The following PCDHGB3 variants were observed in gnomAD, a reference collection of about 807,000 sequenced individuals.
PCDHGB3 encodes the protein protocadherin gamma-B3.
Under a neutral mutation model 59.2 loss-of-function variants are expected in PCDHGB3, and 40 were observed. That is an observed-to-expected ratio of 0.68 (90% CI 0.52 to 0.88). The LOEUF is 0.88. Among genes scored for constraint, PCDHGB3 ranks in the 40% least tolerant of loss-of-function variants. PCDHGB3 has a pLI of 0.00. For missense variants in PCDHGB3, 1,309 were observed against 1,187.9 expected (o/e 1.10, Z -1.50); for synonymous variants, 581 against 503.6 (o/e 1.15, Z -2.06).
At chr5:141,505,804 G>A (rs554534524) in intron 3 of PCDHGB3, among the ~76,000 whole-genome samples, 13 of 152,240 alleles carry the variant, frequency 8.5e-5, no homozygotes, top group Admixed American at 3.3e-4. Context: ...GACTTGGATC[G>A]ACTTGCTCAA....
At chr5:141,495,446 C>A (rs1165861519) in intron 2 of PCDHGB3, among the ~76,000 whole-genome samples, 1 of 152,220 alleles carries the variant, frequency 6.6e-6, no homozygotes, top group African/African-American at 2.4e-5. Flanking sequence ...CCCTACTTGT[C>A]CTGCTCTCTG....
chr5:141,410,295 T>C (rs1043971768), intron 1 of PCDHGB3: 2 of 1,613,982 alleles, frequency 1.2e-6, no homozygotes, highest in East Asian at 2.2e-5. Context: ...GCCTTGGCCT[T>C]AATCTCAGTG....
chr5:141,423,906 G>A (rs2096789586), intron 1 of PCDHGB3: 17 of 1,272,396 alleles, frequency 1.3e-5, no homozygotes, highest in Non-Finnish European at 1.7e-5. Context: ...ATTTCAAAGG[G>A]GCCATTCAAC....
At chr5:141,396,636 A>G (rs1206522598) in intron 1 of PCDHGB3, 1 of 152,050 alleles carries the variant, frequency 6.6e-6, no homozygotes, top group African/African-American at 2.4e-5. Context: ...AAAAAAAACT[A>G]ATATTAATAG....
chr5:141,386,594 C>T (rs573192677), intron 1 of PCDHGB3, among the ~76,000 whole-genome samples: 2 of 151,204 alleles, frequency 1.3e-5, no homozygotes, highest in Non-Finnish European at 2.9e-5. Flanking sequence ...GTGGGGGATA[C>T]ATTTTTTTTT....
intron 1 of PCDHGB3, chr5:141,385,119 T>C: frequency 1.2e-6 from 2 of 1,614,212 alleles, no homozygotes; most frequent in South Asian, 2.2e-5. Flanking sequence ...CCTCGCACTT[T>C]GTGGGCATGG....
In PCDHGB3 at chr5:141,491,927, G is replaced by A. The variant is rs1314503730; in HGVS notation, c.2416-2880G>A. 3 of 1,309,982 alleles carry A rather than the reference G, an allele frequency of 2.3e-6. No individual in the cohort carries two copies. In the African/African-American group the frequency reaches 4.5e-5, roughly 20 times the overall value. 81.1% of individuals were successfully genotyped at this position (1,309,982 alleles called of 1,614,324 possible). A position where few individuals can be genotyped will look rare whatever the true frequency, so the allele number is the denominator to read the frequency against. On this transcript the variant is annotated intron_variant, in intron 1 of 3. Coordinates refer to ENST00000576222, the MANE Select transcript of PCDHGB3 (RefSeq NM_018924.5). The surrounding 1 kb of genome is among the most constrained non-coding windows in gnomAD (Gnocchi z 6.9). ...GTGGTGGCGACTGTGGGCGAGGGGAGGTGGGACCGACCCCCACCCCTACAC... is the reference window on the plus strand; with the variant it reads ...GTGGTGGCGACTGTGGGCGAGGGGAAGTGGGACCGACCCCCACCCCTACAC...
At chr5:141,463,418 C>A (rs1442067485) in intron 1 of PCDHGB3, among the ~76,000 whole-genome samples, 3 of 138,240 alleles carry the variant, frequency 2.2e-5, no homozygotes, top group Admixed American at 7.4e-5. Context: ...TCCTAGTTTG[C>A]GGATCCTCAT....
At position 141,389,844 on chromosome 5, in the gene PCDHGB3, G is replaced by A. The variant is rs558691778; in HGVS notation, c.2415+17035G>A. 80 of 1,614,014 alleles carry A rather than the reference G, an allele frequency of 5.0e-5. No homozygotes were observed. The Admixed American group carries it at 1.3e-3, about 27-fold the overall frequency. On this transcript the variant is annotated intron_variant, in intron 1 of 3. Coordinates refer to ENST00000576222, the MANE Select transcript of PCDHGB3 (RefSeq NM_018924.5). ...TGACGGTGGACAGCCACCACTCTCGGCCACTGCCACGTTGCACCTGGTCTT... is the reference window on the plus strand; with the variant it reads ...TGACGGTGGACAGCCACCACTCTCGACCACTGCCACGTTGCACCTGGTCTT...
intron 1 of PCDHGB3, chr5:141,400,486 CT>C: frequency 1.2e-6 from 2 of 1,614,034 alleles, no homozygotes; most frequent in African/African-American, 1.3e-5. Context: ...CTTATTTCCA[CT>C]TTGTAATTCC....
At chr5:141,408,723 C>G (rs1365936782) in intron 1 of PCDHGB3, 3 of 1,611,058 alleles carry the variant, frequency 1.9e-6, no homozygotes, top group Non-Finnish European at 2.5e-6. Flanking sequence ...AAGATAAACT[C>G]TAATCCTTAT....
At chr5:141,427,984 C>A (rs754620535) in intron 1 of PCDHGB3, 6 of 1,597,376 alleles carry the variant, frequency 3.8e-6, no homozygotes, top group Non-Finnish European at 4.3e-6. Flanking sequence ...GCGCTGGGGC[C>A]CGATGGCTCC....
Position 141,485,243 on chromosome 5 carries a change from C to A in PCDHGB3, c.2416-9564C>A. ...TACCCTTTTGTTCCTCTTTTACCACCTGGGTTACGTTTGTGGGCAGATCCG... is the reference window on the plus strand; with the variant it reads ...TACCCTTTTGTTCCTCTTTTACCACATGGGTTACGTTTGTGGGCAGATCCG... On this transcript the variant is annotated intron_variant, in intron 1 of 3. Transcript: ENST00000576222. This position sits in a 1 kb window ranked among gnomAD's most constrained non-coding sequence, Gnocchi z 5.7. 1 of 1,614,180 alleles carries A rather than the reference C, an allele frequency of 6.2e-7. No homozygotes were observed. The highest frequency in any genetic ancestry group is 8.5e-7 in the Non-Finnish European group (1 of 1,180,000).
chr5:141,471,879 G>A (rs1027572395), intron 1 of PCDHGB3, among the ~76,000 whole-genome samples: 7 of 152,218 alleles, frequency 4.6e-5, no homozygotes, highest in African/African-American at 1.7e-4. Context: ...GCCTGAGGCT[G>A]AAGCTAGGAA....
intron 1 of PCDHGB3, among the ~76,000 whole-genome samples, chr5:141,407,680 C>A (rs2094967585): frequency 6.6e-6 from 1 of 151,942 alleles, no homozygotes; most frequent in Non-Finnish European, 1.5e-5. Flanking sequence ...CAAAGATTGG[C>A]TTTGTGGTGA....
intron 1 of PCDHGB3, chr5:141,412,460 G>C (rs2095557510): frequency 1.3e-5 from 2 of 152,244 alleles, no homozygotes; most frequent in South Asian, 4.1e-4. Flanking sequence ...AACTATTCTA[G>C]AAGAGTACTT....
intron 1 of PCDHGB3, chr5:141,410,511 G>C (rs755576652): frequency 6.2e-7 from 1 of 1,613,824 alleles, no homozygotes; most frequent in Non-Finnish European, 8.5e-7. Flanking sequence ...CTAAAATGCA[G>C]TGTGCCCCTA....
rs779981011 is a variant in PCDHGB3 at position 141,395,287 on chromosome 5, G to T, written c.2415+22478G>T. 11 of 1,533,118 alleles carry T rather than the reference G, an allele frequency of 7.2e-6. No homozygotes were observed. The South Asian group carries it at 1.3e-4, about 18-fold the overall frequency. 95.0% of individuals were successfully genotyped at this position (1,533,118 alleles called of 1,614,324 possible). A position where few individuals can be genotyped will look rare whatever the true frequency, so the allele number is the denominator to read the frequency against. On this transcript the variant is annotated intron_variant, in intron 1 of 3. Transcript: ENST00000576222. ...TTAATTTCCAGATGAATTTTATTTG[G>T]CATAAATTATGTTTTGAAAAACATT...
At chr5:141,409,868 A>G in intron 1 of PCDHGB3, 2 of 1,612,688 alleles carry the variant, frequency 1.2e-6, no homozygotes, top group South Asian at 1.1e-5. Context: ...GGGAGACCGC[A>G]ATGACAACGC....
Sources: allele counts gnomAD v4.1 joint callset (sites outside exome capture counted in the v4.1 genomes callset), GRCh38; gene constraint gnomAD v4.1.1; non-coding constraint Gnocchi (gnomAD v3.1); transcripts MANE v1.5; gene names NCBI Gene and HGNC (gene_info 2026-07-23, HGNC 2026-07-21).